Variants in SIKE1 observed in about 807,000 individuals in gnomAD.
SIKE1 encodes suppressor of IKK epsilon.
A neutral mutation model predicts 25.8 loss-of-function variants in SIKE1; 13 were observed. That is an observed-to-expected ratio of 0.50 (90% CI 0.33 to 0.80). The LOEUF is 0.80. SIKE1 is among the 30% of genes least tolerant of loss of function. SIKE1 has a pLI of 0.02. For synonymous variants in SIKE1, 86 were observed against 95.5 expected, an observed-to-expected ratio of 0.90 and a Z score of 0.58; for missense variants, 222 against 252.4, an observed-to-expected ratio of 0.88 and a Z score of 0.82.
intron 3 of SIKE1, among the ~76,000 whole-genome samples, chr1:114,777,619 C>T (rs768411092): frequency 1.2e-4 from 18 of 152,156 alleles, no homozygotes; most frequent in Non-Finnish European, 2.4e-4. Flanking sequence ...AATCTTTAGT[C>T]TATTTCAGAA....
rs1305114258 is a variant in SIKE1 at position 114,774,287 on chromosome 1, G to A, written c.608C>T (p.Ser203Phe). 4 of 1,611,152 alleles carry A rather than the reference G, an allele frequency of 2.5e-6. No homozygotes were observed. Among genetic ancestry groups the A allele is most frequent in the South Asian group, 1.1e-5 (1 of 90,864 alleles). The stretch of plus-strand genomic sequence containing the variant: ...AGAGTTCAGTTATTTGATGGCTTGG[G>A]AAGCAGTGTCCATTGAGTTTTCCTT... ...ARKENSMDTA[S>F]QAIK The change falls in exon 5 of 5, where the codon TCC becomes TTC. Residue 203 changes from serine to phenylalanine, a missense_variant. Coordinates refer to ENST00000060969, the MANE Select transcript of SIKE1 (RefSeq NM_025073.3).
At chr1:114,777,556 C>T (rs760423341) in intron 3 of SIKE1, among the ~76,000 whole-genome samples, 1 of 152,114 alleles carries the variant, frequency 6.6e-6, no homozygotes, top group South Asian at 2.1e-4. Context: ...TCATCTCATG[C>T]CTTCCAAGAT....
At chr1:114,780,252 A>G (rs1347496061) in intron 1 of SIKE1, 37 bp from the exon 2 acceptor site, 2 of 1,572,170 alleles carry the variant, frequency 1.3e-6, no homozygotes, top group African/African-American at 2.7e-5. Flanking sequence ...TGCCTTAAAG[A>G]GAACAGCGGC....
At chr1:114,778,900 C>A (rs925291359) in intron 3 of SIKE1, 37 of 477,224 alleles carry the variant, frequency 7.8e-5, no homozygotes, top group South Asian at 2.8e-4. Flanking sequence ...CAAACAACCC[C>A]ACAAAAATTA....
rs917043866 is a variant in SIKE1, at chr1:114,773,298, A to C, written c.*973T>G. On this transcript the variant is annotated 3_prime_UTR_variant, in exon 5 of 5. Coordinates refer to ENST00000060969, the MANE Select transcript of SIKE1 (RefSeq NM_025073.3). ...ATAGCTTAAACAAAAAAAAAGAAAA[A>C]AGATAAAAAAAAACCCTGCTTCTAT... is the stretch of plus-strand genomic sequence containing the variant. 6.6e-6 allele frequency: 1 copy of C among 151,922 alleles called. No homozygotes were observed. Among genetic ancestry groups the C allele is most frequent in the Non-Finnish European group, 1.5e-5 (1 of 67,966 alleles). 9.4% of individuals were successfully genotyped at this position (151,922 alleles called of 1,614,324 possible).
intron 3 of SIKE1, among the ~76,000 whole-genome samples, chr1:114,778,690 G>C (rs980789370): frequency 3.6e-4 from 54 of 152,052 alleles, no homozygotes; most frequent in Admixed American, 2.7e-3. Context: ...AACAACAAAT[G>C]TGATAAACAT....
At position 114,780,476 on chromosome 1, in the gene SIKE1, C is replaced by A; in HGVS notation, c.132G>T (p.Arg44=). The A allele has an allele frequency of 6.2e-7, 1 of 1,613,328 alleles. No homozygotes were observed. The highest frequency in any genetic ancestry group is 8.5e-7 in the Non-Finnish European group (1 of 1,180,028). ...GGTCCGGAAGCGCTGTCCCCGCCTC[C>A]CGCATAGCTGCTACCCGCCGGTGCA... ...AALHRRVAAM[R]EAGTALPDQY... Residue 44 remains arginine, a synonymous_variant, in exon 1 of 5, where the codon CGG becomes CGT. Coordinates refer to ENST00000060969, the MANE Select transcript of SIKE1 (RefSeq NM_025073.3).
At chr1:114,778,934 G>A in intron 3 of SIKE1, 1 of 583,998 alleles carries the variant, frequency 1.7e-6, no homozygotes, top group Non-Finnish European at 3.0e-6. Context: ...GTGTGCACCT[G>A]TAGTCCCAGC....
At chr1:114,780,370 C>A (rs927016510) in intron 1 of SIKE1, 79 bp downstream of exon 1, 1 of 1,608,212 alleles carries the variant, frequency 6.2e-7, no homozygotes, top group African/African-American at 1.3e-5. Flanking sequence ...AAATTCCAGG[C>A]CGAGTTCCCA....
rs1434769856 is a variant in SIKE1, at chr1:114,779,224, C to T, written c.326G>A (p.Arg109Gln). The T allele has an allele frequency of 5.6e-6, 9 of 1,614,024 alleles. No homozygotes were observed. The highest frequency in any genetic ancestry group is 1.6e-4 in the Middle Eastern group (1 of 6,084). ...DALELIMSKY[R>Q]KQMLQLMVAK... is the part of the protein sequence containing the mutation. ...AACCATTAACTGTAACATCTGTTTCCGATATTTGCTCATGATAAGTTCCAA... is the reference window on the plus strand; with the variant it reads ...AACCATTAACTGTAACATCTGTTTCTGATATTTGCTCATGATAAGTTCCAA... The change falls in exon 3 of 5, where the codon CGG becomes CAG. Residue 109 changes from arginine (R) to glutamine (Q), a missense_variant. Transcript: ENST00000060969.
intron 2 of SIKE1, among the ~76,000 whole-genome samples, chr1:114,779,780 A>G (rs1388883992): frequency 6.6e-6 from 1 of 152,194 alleles, no homozygotes; most frequent in African/African-American, 2.4e-5. Flanking sequence ...CAAAACCTTA[A>G]ATCTTACCTT....
At chr1:114,777,239 C>G (rs1662269927) in intron 3 of SIKE1, among the ~76,000 whole-genome samples, 1 of 151,970 alleles carries the variant, frequency 6.6e-6, no homozygotes, top group East Asian at 1.9e-4. Context: ...TACCCTAGAA[C>G]TTATTTAAAA....
At chr1:114,777,694 A>G (rs1030637269) in intron 3 of SIKE1, among the ~76,000 whole-genome samples, 2 of 152,202 alleles carry the variant, frequency 1.3e-5, no homozygotes, top group Non-Finnish European at 1.5e-5. Context: ...AACTCTGGTA[A>G]GGCCTTAGTC....
rs1662104978 is a variant in SIKE1, at chr1:114,772,816, T to C, written c.*1455A>G. On this transcript the variant is annotated 3_prime_UTR_variant, in exon 5 of 5. Transcript: ENST00000060969. ...TTCTATGCAGGATATCAAACAGAAA[T>C]TTGAAAAATTCTTAAATGACATATA... 1 of 152,294 alleles carries C rather than the reference T, an allele frequency of 6.6e-6. No individual in the cohort carries two copies. The highest frequency in any genetic ancestry group is 1.9e-4 in the East Asian group (1 of 5,182). 9.4% of individuals were successfully genotyped at this position (152,294 alleles called of 1,614,324 possible).
At chr1:114,777,616 A>G (rs536416348) in intron 3 of SIKE1, among the ~76,000 whole-genome samples, 1 of 152,316 alleles carries the variant, frequency 6.6e-6, no homozygotes, top group South Asian at 2.1e-4. Flanking sequence ...AGTAATCTTT[A>G]GTCTATTTCA....
rs749104188 is a variant in SIKE1 at position 114,774,220 on chromosome 1, C to T, written c.*51G>A. 4 of 1,381,796 alleles carry T rather than the reference C, an allele frequency of 2.9e-6. No homozygotes were observed. Among genetic ancestry groups the T allele is most frequent in the East Asian group, 4.6e-5 (2 of 43,428 alleles). 85.6% of individuals were successfully genotyped at this position (1,381,796 alleles called of 1,614,324 possible). A position where few individuals can be genotyped will look rare whatever the true frequency, so the allele number is the denominator to read the frequency against. On this transcript the variant is annotated 3_prime_UTR_variant, in exon 5 of 5. Transcript: ENST00000060969. Reference sequence around the variant, plus strand: ...AATGGACAGTACTTGAATGGGAAGACAGTAACTTCCTTCCTTGATAGACAA... The same window carrying T: ...AATGGACAGTACTTGAATGGGAAGATAGTAACTTCCTTCCTTGATAGACAA...
At chr1:114,777,857 T>C (rs558670631) in intron 3 of SIKE1, among the ~76,000 whole-genome samples, 22 of 152,344 alleles carry the variant, frequency 1.4e-4, no homozygotes, top group African/African-American at 5.3e-4. Flanking sequence ...TAACTACCCA[T>C]TGGATGTTGG....
intron 4 of SIKE1, among the ~76,000 whole-genome samples, chr1:114,775,503 C>CTTTT (rs35490891): frequency 8.2e-6 from 1 of 122,604 alleles, no homozygotes; most frequent in African/African-American, 3.4e-5. Flanking sequence ...AAATGCTTTG[C>CTTTT]TTTTTTTTTT....
At chr1:114,778,970 T>C (rs1662327291) in intron 3 of SIKE1, 172 bp downstream of exon 3, 1 of 696,396 alleles carries the variant, frequency 1.4e-6, no homozygotes, top group Non-Finnish European at 2.4e-6. Context: ...GGTGAGACGA[T>C]GGCTTGAGCC....
Sources: allele counts gnomAD v4.1 joint callset (sites outside exome capture counted in the v4.1 genomes callset), GRCh38; gene constraint gnomAD v4.1.1; transcripts MANE v1.5; gene names NCBI Gene and HGNC (gene_info 2026-07-23, HGNC 2026-07-21).